Variants in PRKN observed in about 807,000 individuals in gnomAD.
PRKN encodes parkin RBR E3 ubiquitin protein ligase.
Under a neutral mutation model 59.5 loss-of-function variants are expected in PRKN, and 56 were observed. The ratio of observed to expected loss-of-function variants is 0.94; its 90% CI spans 0.76 to 1.18. The LOEUF (loss-of-function observed/expected upper bound fraction) is 1.18. Among genes scored for constraint, PRKN ranks in the 50% most tolerant of loss-of-function variants. The probability of loss-of-function intolerance (pLI) is 0.00; values close to 1 mark genes in which losing one functional copy is unlikely to be tolerated. For synonymous variants in PRKN, 250 were observed against 222.1 expected (o/e 1.13, Z -1.12); for missense variants, 657 against 596.4 (o/e 1.10, Z -1.06).
intron 1 of PRKN, among the ~76,000 whole-genome samples, chr6:162,470,735 T>C (rs1243397415): frequency 6.7e-6 from 1 of 150,356 alleles, no homozygotes. Context: ...ACACTTTAAT[T>C]TTGTTTATTT....
At chr6:162,339,532 G>C (rs1442950541) in intron 2 of PRKN, among the ~76,000 whole-genome samples, 1 of 136,500 alleles carries the variant, frequency 7.3e-6, no homozygotes, top group East Asian at 2.2e-4. Flanking sequence ...TCAGCCCCCC[G>C]CCCGGCCAGC....
intron 6 of PRKN, among the ~76,000 whole-genome samples, chr6:161,792,186 C>T (rs972969690): frequency 6.6e-6 from 1 of 152,218 alleles, no homozygotes; most frequent in African/African-American, 2.4e-5. Context: ...AAATTCCTGA[C>T]CTGCTGAAAC....
At chr6:162,551,413 C>T (rs953794919) in intron 1 of PRKN, among the ~76,000 whole-genome samples, 1 of 152,200 alleles carries the variant, frequency 6.6e-6, no homozygotes. Context: ...AACTCCTTTT[C>T]TCTAAATATA....
rs749381380 is a variant in PRKN at position 162,687,188 on chromosome 6, C to CTT, written c.7+40472_7+40473dup. On this transcript the variant is annotated intron_variant, in intron 1 of 11. Transcript: ENST00000366898. ...ATTAGAGTTAAAAGAGCCTCTTTTTCTTTTTTTTTTTTTTTGAGACAGAGT... is the reference window on the plus strand; with the variant it reads ...ATTAGAGTTAAAAGAGCCTCTTTTTCTTTTTTTTTTTTTTTTTGAGACAGAGT... Among the ~76,000 whole-genome samples the CTT allele has an allele frequency of 5.3e-3, 714 of 134,604 alleles. 7 individuals are homozygous for CTT. The highest frequency in any genetic ancestry group is 0.019 in the Middle Eastern group (5 of 260). 88.3% of individuals were successfully genotyped at this position (134,604 alleles called of 152,430 possible).
At chr6:161,975,779 C>T (rs1781006646) in intron 5 of PRKN, among the ~76,000 whole-genome samples, 3 of 152,220 alleles carry the variant, frequency 2.0e-5, no homozygotes, top group Non-Finnish European at 4.4e-5. Flanking sequence ...CCACCAATGT[C>T]AGAGGCAAAG....
chr6:161,660,300 G>A (rs1784496298), intron 7 of PRKN, among the ~76,000 whole-genome samples: 1 of 152,156 alleles, frequency 6.6e-6, no homozygotes, highest in South Asian at 2.1e-4. Flanking sequence ...GCAGGACTCA[G>A]ATGAGCCAGA....
chr6:161,544,034 T>C lies in PRKN; in HGVS notation c.1083+4820A>G, dbSNP rs1461283192. Among the ~76,000 whole-genome samples the C allele has an allele frequency of 6.6e-6, 1 of 152,216 alleles. No homozygotes were observed. Among genetic ancestry groups the C allele is most frequent in the African/African-American group, 2.4e-5 (1 of 41,458 alleles). On this transcript the variant is annotated intron_variant, in intron 9 of 11. Transcript: ENST00000366898. The surrounding 1 kb of genome is among the most constrained non-coding windows in gnomAD (Gnocchi z 5.5). ...TATGAGCAGTAGTAAAAATAGGATC[T>C]AGGGTTAGCAGAGTGAGGCTAGACT...
At chr6:162,484,653 G>A (rs544132017) in intron 1 of PRKN, among the ~76,000 whole-genome samples, 39 of 152,284 alleles carry the variant, frequency 2.6e-4, no homozygotes, top group African/African-American at 8.2e-4. Flanking sequence ...GTCCATAAAC[G>A]TGCCTACTGA....
chr6:162,445,773 G>T (rs1480266802), intron 1 of PRKN, among the ~76,000 whole-genome samples: 3 of 137,932 alleles, frequency 2.2e-5, no homozygotes, highest in Non-Finnish European at 4.6e-5. Context: ...CAATAAAAAG[G>T]CTTTATGACA....
At chr6:162,010,382 A>G (rs1312385660) in intron 5 of PRKN, among the ~76,000 whole-genome samples, 1 of 101,234 alleles carries the variant, frequency 9.9e-6, no homozygotes, top group Non-Finnish European at 1.8e-5. Flanking sequence ...TTTATAATAT[A>G]TAATATATAA....
At chr6:162,347,983 G>A (rs971399204) in intron 2 of PRKN, among the ~76,000 whole-genome samples, 2 of 152,178 alleles carry the variant, frequency 1.3e-5, no homozygotes, top group Non-Finnish European at 2.9e-5. Flanking sequence ...TGAGGGAGAC[G>A]ATGGCCTCCA....
intron 2 of PRKN, among the ~76,000 whole-genome samples, chr6:162,363,214 G>T (rs1785246454): frequency 6.7e-6 from 1 of 150,028 alleles, no homozygotes; most frequent in African/African-American, 2.5e-5. Context: ...GGCCCTCCAT[G>T]CCCCTGCCCA....
rs199859147 is a variant in PRKN, at chr6:162,443,413, A to G, written c.68T>C (p.Ile23Thr). Residue 23 changes from isoleucine (I) to threonine (T), a missense_variant, in exon 2 of 12, where the codon ATC (isoleucine) becomes ACC (threonine). Transcript: ENST00000366898. ...AGCAACCACCTCCTTGAGCTGGAAG[A>G]TGCTGGTGTCAGAATCGACCTCCAC... ...FPVEVDSDTS[I>T]FQLKEVVAKR... The G allele has an allele frequency of 2.5e-6, 4 of 1,614,060 alleles. No homozygotes were observed. Among genetic ancestry groups the G allele is most frequent in the East Asian group, 4.5e-5 (2 of 44,862 alleles).
At chr6:161,732,604 C>G (rs548930719) in intron 7 of PRKN, among the ~76,000 whole-genome samples, 1 of 152,166 alleles carries the variant, frequency 6.6e-6, no homozygotes, top group South Asian at 2.1e-4. Flanking sequence ...GAAATACCTA[C>G]TCAAAATATA....
In PRKN at chr6:161,479,308, T is replaced by A. The variant is rs533869448; in HGVS notation, c.1083+69546A>T. 3.3e-5 allele frequency among the ~76,000 whole-genome samples: 5 copies of A among 152,350 alleles called. No homozygotes were observed. The South Asian group carries it at 1.0e-3, about 32-fold the overall frequency. On this transcript the variant is annotated intron_variant, in intron 9 of 11. Transcript: ENST00000366898. ...TTCACATGTATAATAATACTAATAG[T>A]TTAAAAAGTTTCAAGTGTGGGTATG... is the stretch of plus-strand genomic sequence containing the variant.
intron 1 of PRKN, among the ~76,000 whole-genome samples, chr6:162,473,836 T>C (rs959353262): frequency 2.0e-5 from 3 of 152,146 alleles, no homozygotes; most frequent in African/African-American, 7.2e-5. Context: ...CTCAGACTAC[T>C]AGATTACCTA....
At chr6:161,591,817 A>G (rs1033726436) in intron 7 of PRKN, among the ~76,000 whole-genome samples, 5 of 152,214 alleles carry the variant, frequency 3.3e-5, no homozygotes, top group Non-Finnish European at 7.3e-5. Flanking sequence ...GGAAAGGAAT[A>G]ATGCCATTTT....
intron 6 of PRKN, among the ~76,000 whole-genome samples, chr6:161,803,448 C>T (rs557157812): frequency 2.0e-5 from 3 of 152,178 alleles, no homozygotes; most frequent in South Asian, 4.1e-4. Context: ...TTTGGTGAGG[C>T]CTGCCCTTCT....
At chr6:162,501,834 T>C (rs912051718) in intron 1 of PRKN, among the ~76,000 whole-genome samples, 1 of 152,038 alleles carries the variant, frequency 6.6e-6, no homozygotes, top group Non-Finnish European at 1.5e-5. Flanking sequence ...AGAAACAAAA[T>C]GACAGCTCGC....
Sources: gnomAD v4.1 joint callset for allele counts (sites outside exome capture counted in the v4.1 genomes callset) on GRCh38, gnomAD v4.1.1 for gene constraint, Gnocchi (gnomAD v3.1) non-coding constraint, MANE v1.5 for transcripts, NCBI Gene and HGNC (gene_info 2026-07-23, HGNC 2026-07-21) for gene names.